OR51B5: variants seen among roughly 807,000 people sequenced by gnomAD.
OR51B5 encodes the protein olfactory receptor family 51 subfamily B member 5.
For synonymous variants in OR51B5, 186 were observed against 144.8 expected (o/e 1.28, Z -2.04); for missense variants, 456 against 374.6 (o/e 1.22, Z -1.79).
chr11:5,365,518 G>A (rs1251209611), intron 1 of OR51B5, among the ~76,000 whole-genome samples: 1 of 152,180 alleles, frequency 6.6e-6, no homozygotes, highest in Non-Finnish European at 1.5e-5. Flanking sequence ...CACAGGATAG[G>A]ATATGGCTGT....
intron 1 of OR51B5, among the ~76,000 whole-genome samples, chr11:5,425,579 T>C (rs1850435799): frequency 6.6e-6 from 1 of 152,208 alleles, no homozygotes; most frequent in East Asian, 1.9e-4. Flanking sequence ...TATGTTTAGA[T>C]TTTGAAATAG....
chr11:5,379,304 A>C (rs1250507602), intron 1 of OR51B5, among the ~76,000 whole-genome samples: 2 of 151,916 alleles, frequency 1.3e-5, no homozygotes, highest in Non-Finnish European at 2.9e-5. Context: ...CACTCTGGGG[A>C]CTGTTGTGGG....
intron 1 of OR51B5, among the ~76,000 whole-genome samples, chr11:5,474,247 A>T (rs192454503): frequency 6.6e-6 from 1 of 152,296 alleles, no homozygotes; most frequent in African/African-American, 2.4e-5. Flanking sequence ...ACAACTTGCC[A>T]TATCATAAAA....
chr11:5,424,077 C>A (rs1498471), intron 1 of OR51B5, among the ~76,000 whole-genome samples: 57,947 of 151,966 alleles, frequency 0.38, 11,618 homozygotes, highest in East Asian at 0.7. Context: ...ACTTTCCCAG[C>A]AATATCGGTT....
intron 1 of OR51B5, chr11:5,468,385 G>A (rs1021653871): frequency 2.5e-5 from 7 of 278,636 alleles, no homozygotes; most frequent in East Asian, 2.1e-4. Context: ...ATAGGTGTAC[G>A]TCTGGAGGGA....
At chr11:5,356,210 A>C (rs973859855) in intron 1 of OR51B5, among the ~76,000 whole-genome samples, 2 of 152,192 alleles carry the variant, frequency 1.3e-5, no homozygotes, top group African/African-American at 4.8e-5. Context: ...CCCATGGCAA[A>C]AAAGTTAAAA....
chr11:5,495,402 T>C (rs1431092599), intron 1 of OR51B5, among the ~76,000 whole-genome samples: 4 of 152,204 alleles, frequency 2.6e-5, no homozygotes, highest in Non-Finnish European at 5.9e-5. Context: ...TATATGATAA[T>C]TTGCTAAGGG....
chr11:5,441,045 G>C lies in OR51B5; in HGVS notation n.84+64524C>G, dbSNP rs769527636. 6.8e-6 allele frequency: 11 copies of C among 1,613,846 alleles called. No homozygotes were observed. Among genetic ancestry groups the C allele is most frequent in the Non-Finnish European group, 9.3e-6 (11 of 1,179,926 alleles). On this transcript the variant is annotated intron_variant and non_coding_transcript_variant, in intron 1 of 4. Coordinates refer to the OR51B5 transcript ENST00000415970. ...CACCACAAAAGGGAAAGGGAAGAGA[G>C]TGGTGAAACTCTTGGTAAGGATGCC...
At chr11:5,404,802 C>G (rs11037250) in intron 1 of OR51B5, among the ~76,000 whole-genome samples, 69,155 of 152,106 alleles carry the variant, frequency 0.45, 16,985 homozygotes, top group Non-Finnish European at 0.55. Context: ...GGAATGAACA[C>G]CTGCAGATGC....
At chr11:5,402,071 G>A (rs1412589031) in intron 1 of OR51B5, among the ~76,000 whole-genome samples, 7 of 151,128 alleles carry the variant, frequency 4.6e-5, no homozygotes, top group Admixed American at 1.3e-4. Flanking sequence ...AAGTGTAGGC[G>A]TGCAATCCTG....
At chr11:5,360,586 TTCC>T (rs1383000586) in intron 1 of OR51B5, among the ~76,000 whole-genome samples, 1 of 152,106 alleles carries the variant, frequency 6.6e-6, no homozygotes, top group Non-Finnish European at 1.5e-5. Context: ...AGTGTGGCGA[TTCC>T]TCAGGGATCT....
chr11:5,473,854 AGTGTGTGT>A (rs71053262), intron 1 of OR51B5, among the ~76,000 whole-genome samples: 11 of 150,030 alleles, frequency 7.3e-5, no homozygotes, highest in East Asian at 3.9e-4. Context: ...TTACAAAATG[AGTGTGTGT>A]GTGTGTGTGT....
At chr11:5,422,685 T>C (rs753152055) in intron 1 of OR51B5, 1 of 1,614,088 alleles carries the variant, frequency 6.2e-7, no homozygotes, top group Admixed American at 1.7e-5. Flanking sequence ...CTTCCCTCCC[T>C]TTTCTTACTC....
intron 1 of OR51B5, chr11:5,354,694 G>C (rs1849158970): frequency 1.2e-5 from 2 of 167,452 alleles, no homozygotes; most frequent in South Asian, 2.8e-4. Context: ...CTGCAGCCCT[G>C]GCCAACATCA....
intron 1 of OR51B5, among the ~76,000 whole-genome samples, chr11:5,494,983 GA>G (rs1851627894): frequency 6.6e-6 from 1 of 152,140 alleles, no homozygotes; most frequent in African/African-American, 2.4e-5. Flanking sequence ...ATGGTATCCA[GA>G]AAAACCTTCT....
chr11:5,409,371 CTT>C (rs1850108285), intron 1 of OR51B5, among the ~76,000 whole-genome samples: 1 of 152,092 alleles, frequency 6.6e-6, no homozygotes, highest in African/African-American at 2.4e-5. Context: ...CAGAAAAGAA[CTT>C]TGAATTAACT....
intron 1 of OR51B5, chr11:5,422,732 C>T (rs565413124): frequency 4.3e-6 from 7 of 1,614,036 alleles, no homozygotes; most frequent in Middle Eastern, 1.6e-4. Flanking sequence ...CCTTCTCTCT[C>T]GCTCCTATTG....
intron 1 of OR51B5, among the ~76,000 whole-genome samples, chr11:5,376,856 T>G (rs77867437): frequency 0.24 from 33,047 of 139,354 alleles, 4,291 homozygotes; most frequent in African/African-American, 0.28. Context: ...ACCAGATGGA[T>G]TCACAGCCAA....
chr11:5,430,664 C>T (rs564301258), intron 1 of OR51B5: 36 of 454,312 alleles, frequency 7.9e-5, no homozygotes, highest in African/African-American at 4.2e-4. Flanking sequence ...CAGAGCAATT[C>T]CCTCTTGCAG....
Sources: gnomAD v4.1 joint callset for allele counts (sites outside exome capture counted in the v4.1 genomes callset) on GRCh38, gnomAD v4.1.1 for gene constraint, MANE v1.5 for transcripts, NCBI Gene and HGNC (gene_info 2026-07-23, HGNC 2026-07-21) for gene names.